Variants in GSG1L observed in about 807,000 individuals in gnomAD.
The protein encoded by GSG1L is GSG1 like.
A neutral mutation model predicts 42.1 loss-of-function variants in GSG1L; 24 were observed. That is an observed-to-expected ratio of 0.57 (90% CI 0.41 to 0.80). GSG1L has a LOEUF of 0.80. GSG1L is among the 30% of genes least tolerant of loss of function. The pLI is 0.00. For missense variants in GSG1L, 445 were observed against 472.2 expected, an observed-to-expected ratio of 0.94 and a Z score of 0.53; for synonymous variants, 215 against 203.5, an observed-to-expected ratio of 1.06 and a Z score of -0.48.
At chr16:27,978,272 G>A (rs570845602) in intron 1 of GSG1L, among the ~76,000 whole-genome samples, 6 of 152,142 alleles carry the variant, frequency 3.9e-5, no homozygotes, top group African/African-American at 1.4e-4. Flanking sequence ...GTTTAATTGA[G>A]AAAGAAGCTC....
intron 2 of GSG1L, among the ~76,000 whole-genome samples, chr16:27,902,740 A>C (rs2084275697): frequency 1.3e-5 from 2 of 152,156 alleles, no homozygotes; most frequent in Non-Finnish European, 1.5e-5. Flanking sequence ...GGCGTTATTT[A>C]AATCTGGCTG....
chr16:27,987,958 A>AAC (rs1313500090), intron 1 of GSG1L, among the ~76,000 whole-genome samples: 1 of 151,656 alleles, frequency 6.6e-6, no homozygotes, highest in Non-Finnish European at 1.5e-5. Flanking sequence ...AAAAAAAAAA[A>AAC]AAAAAAAAAC....
chr16:27,849,194 T>TCCCCCC lies in GSG1L; in HGVS notation c.551-4134_551-4133insGGGGGG, dbSNP rs148854172. 8.9e-5 allele frequency among the ~76,000 whole-genome samples: 4 copies of TCCCCCC among 45,072 alleles called. 1 individual carries two copies. Among genetic ancestry groups the TCCCCCC allele is most frequent in the African/African-American group, 3.5e-4 (3 of 8,492 alleles). 29.6% of individuals were successfully genotyped at this position (45,072 alleles called of 152,430 possible). ...GCCTGGGTGACAGAGTGAGCCTCTATCCCAAAAAGAAAAAAAAAAAAAAAA... is the reference window on the plus strand; with the variant it reads ...GCCTGGGTGACAGAGTGAGCCTCTATCCCCCCCCCAAAAAGAAAAAAAAAAAAAAAA... On this transcript the variant is annotated intron_variant, in intron 3 of 6. Transcript: ENST00000447459.
chr16:27,895,422 A>G (rs1169197373), intron 2 of GSG1L, among the ~76,000 whole-genome samples: 2 of 152,046 alleles, frequency 1.3e-5, no homozygotes, highest in African/African-American at 2.4e-5. Flanking sequence ...TATACGACGA[A>G]ATCAGTCATT....
intron 3 of GSG1L, among the ~76,000 whole-genome samples, chr16:27,852,206 C>G (rs1178681211): frequency 2.6e-5 from 4 of 152,190 alleles, no homozygotes; most frequent in Non-Finnish European, 5.9e-5. Flanking sequence ...CGTGTCATGT[C>G]CGGGACTTGA....
At chr16:28,022,145 C>T (rs765185332) in intron 1 of GSG1L, among the ~76,000 whole-genome samples, 10 of 152,068 alleles carry the variant, frequency 6.6e-5, no homozygotes, top group Non-Finnish European at 1.5e-4. Context: ...CGTAATAACA[C>T]CAGGATAGTG....
intron 2 of GSG1L, among the ~76,000 whole-genome samples, chr16:27,907,326 A>G (rs1403292837): frequency 2.0e-5 from 3 of 152,186 alleles, no homozygotes; most frequent in Non-Finnish European, 4.4e-5. Flanking sequence ...TGACTGTGAT[A>G]TGTCCCTGAT....
At chr16:27,854,765 C>G (rs927869219) in intron 3 of GSG1L, among the ~76,000 whole-genome samples, 2 of 152,154 alleles carry the variant, frequency 1.3e-5, no homozygotes, top group African/African-American at 4.8e-5. Flanking sequence ...ATTTTGGTGG[C>G]CTTGTACCCT....
At chr16:27,926,032 T>C (rs549591479) in intron 2 of GSG1L, among the ~76,000 whole-genome samples, 2 of 152,284 alleles carry the variant, frequency 1.3e-5, no homozygotes, top group African/African-American at 4.8e-5. Flanking sequence ...CTGTGAAAGT[T>C]TTTGTTTGTT....
At chr16:27,944,293 T>C (rs1389888673) in intron 2 of GSG1L, among the ~76,000 whole-genome samples, 4 of 152,100 alleles carry the variant, frequency 2.6e-5, no homozygotes, top group Non-Finnish European at 1.5e-5. Flanking sequence ...GAAAATGTAG[T>C]CTACCCATAC....
chr16:27,990,180 ATTG>A (rs1298881286), intron 1 of GSG1L, among the ~76,000 whole-genome samples: 2 of 152,140 alleles, frequency 1.3e-5, no homozygotes, highest in Admixed American at 6.6e-5. Context: ...TGTTTGAACC[ATTG>A]TTGTTTCTTT....
At chr16:28,028,890 C>T (rs911541516) in intron 1 of GSG1L, among the ~76,000 whole-genome samples, 1 of 152,178 alleles carries the variant, frequency 6.6e-6, no homozygotes, top group African/African-American at 2.4e-5. Context: ...GATGAGGAGG[C>T]CTGGGCTTCA....
intron 6 of GSG1L, among the ~76,000 whole-genome samples, chr16:27,798,846 G>C (rs767889065): frequency 1.5e-4 from 23 of 152,118 alleles, no homozygotes; most frequent in Non-Finnish European, 2.9e-4. Context: ...TTAGCTTGGA[G>C]TCAGACAGGC....
intron 1 of GSG1L, among the ~76,000 whole-genome samples, chr16:28,034,456 C>T (rs901016740): frequency 5.9e-5 from 9 of 152,148 alleles, no homozygotes; most frequent in African/African-American, 2.2e-4. Flanking sequence ...AAAAAGGTAG[C>T]GGGGCTTCAG....
At chr16:27,861,184 A>G (rs1434247880) in intron 3 of GSG1L, among the ~76,000 whole-genome samples, 1 of 152,166 alleles carries the variant, frequency 6.6e-6, no homozygotes, top group African/African-American at 2.4e-5. Context: ...CCTGGCCAAC[A>G]TGGTGAAACC....
chr16:27,857,899 GC>G (rs2140996864), intron 3 of GSG1L, among the ~76,000 whole-genome samples: 1 of 150,536 alleles, frequency 6.6e-6, no homozygotes, highest in Non-Finnish European at 1.5e-5. Context: ...CTCTCGGAGG[GC>G]CCTGATCGGC....
chr16:28,045,057 G>A (rs536272072), intron 1 of GSG1L, among the ~76,000 whole-genome samples: 6 of 152,320 alleles, frequency 3.9e-5, no homozygotes, highest in South Asian at 2.1e-4. Flanking sequence ...CAGGAGTTTG[G>A]GGGAAAGAAA....
chr16:27,893,822 G>T (rs1272385129), intron 2 of GSG1L, among the ~76,000 whole-genome samples: 1 of 152,112 alleles, frequency 6.6e-6, no homozygotes, highest in African/African-American at 2.4e-5. Flanking sequence ...GCACAATCAT[G>T]ACTCACTGCA....
chr16:27,895,895 G>T (rs902997824), intron 2 of GSG1L, among the ~76,000 whole-genome samples: 3 of 152,166 alleles, frequency 2.0e-5, no homozygotes, highest in African/African-American at 7.2e-5. Context: ...GATGCCAATC[G>T]GCATGCTACC....
Sources: gnomAD v4.1 joint callset for allele counts (sites outside exome capture counted in the v4.1 genomes callset) on GRCh38, gnomAD v4.1.1 for gene constraint, MANE v1.5 for transcripts, NCBI Gene and HGNC (gene_info 2026-07-23, HGNC 2026-07-21) for gene names.